NUP35: variants seen among roughly 807,000 people sequenced by gnomAD.
NUP35 encodes nucleoporin NUP35.
In NUP35, 25 loss-of-function variants were observed where a neutral mutation model predicts 41.5. That is an observed-to-expected ratio of 0.60 (90% CI 0.44 to 0.84). NUP35 has a LOEUF of 0.84. Among genes scored for constraint, NUP35 ranks in the 40% least tolerant of loss-of-function variants. The pLI is 0.00. For missense variants in NUP35, 396 were observed against 396.6 expected, an observed-to-expected ratio of 1.00 and a Z score of 0.01; for synonymous variants, 149 against 130.7, an observed-to-expected ratio of 1.14 and a Z score of -0.96.
chr2:183,130,903 G>T (rs878891384), intron 3 of NUP35: 3 of 1,004,586 alleles, frequency 3.0e-6, no homozygotes, highest in South Asian at 2.7e-5. Flanking sequence ...TTATGTGAAA[G>T]AACAAATGAA....
intron 4 of NUP35, among the ~76,000 whole-genome samples, chr2:183,138,245 C>CTATATATATATATATATATATA (rs1208421272): frequency 2.7e-5 from 3 of 112,680 alleles, no homozygotes; most frequent in African/African-American, 1.1e-4. Context: ...TCATTTAGAG[C>CTATATATATATATATATATATA]TATATATATA....
chr2:183,151,452 T>G, intron 4 of NUP35, 56 bp from the exon 5 acceptor site: 1 of 1,528,692 alleles, frequency 6.5e-7, no homozygotes, highest in South Asian at 1.2e-5. Context: ...ATTTTTGATT[T>G]AGAATCAATC....
At chr2:183,123,622 G>T (rs555527216), upstream of NUP35, among the ~76,000 whole-genome samples, 16 of 152,310 alleles carry the variant, frequency 1.1e-4, 1 homozygote, top group South Asian at 3.1e-3. Flanking sequence ...AACGTCCCCA[G>T]TTATACATAT....
chr2:183,135,833 A>G (rs1684856001), intron 4 of NUP35, among the ~76,000 whole-genome samples: 2 of 152,124 alleles, frequency 1.3e-5, no homozygotes, highest in Non-Finnish European at 2.9e-5. Context: ...ACTGCACTCC[A>G]GCTTGGGTGA....
chr2:183,153,497 A>G (rs1685539803), intron 5 of NUP35, among the ~76,000 whole-genome samples: 1 of 152,166 alleles, frequency 6.6e-6, no homozygotes, highest in Non-Finnish European at 1.5e-5. Context: ...ATTGGCCAAA[A>G]CAGAGGGGTT....
At chr2:183,138,208 G>A (rs1684949579) in intron 4 of NUP35, among the ~76,000 whole-genome samples, 1 of 143,486 alleles carries the variant, frequency 7.0e-6, no homozygotes, top group South Asian at 2.2e-4. Context: ...GAATTGACAG[G>A]AAAATTGAGG....
At position 183,149,468 on chromosome 2, in the gene NUP35, A is replaced by G. The variant is rs575294511; in HGVS notation, c.398-2040A>G. 9.2e-5 allele frequency among the ~76,000 whole-genome samples: 14 copies of G among 152,356 alleles called. No individual in the cohort carries two copies. In the South Asian group the frequency reaches 1.7e-3, roughly 18 times the overall value. ...AAATCTTTTTAGTGTCTGGCTTAAT[A>G]AAATACCTGTGAATTCTCATGAATC... is the stretch of plus-strand genomic sequence containing the variant. On this transcript the variant is annotated intron_variant, in intron 4 of 8. Transcript: ENST00000295119.
intron 2 of NUP35, among the ~76,000 whole-genome samples, chr2:183,129,804 T>G (rs1193964731): frequency 6.6e-6 from 1 of 152,220 alleles, no homozygotes; most frequent in African/African-American, 2.4e-5. Flanking sequence ...GCTCAGACAT[T>G]AGTCTTACCG....
At position 183,153,852 on chromosome 2, in the gene NUP35, C is replaced by A. The variant is rs72894581; in HGVS notation, c.539+2203C>A. Among the ~76,000 whole-genome samples the A allele has an allele frequency of 3.1e-3, 475 of 152,324 alleles. 1 individual carries two copies. The highest frequency in any genetic ancestry group is 6.0e-3 in the Non-Finnish European group (410 of 68,024). On this transcript the variant is annotated intron_variant, in intron 5 of 8. Transcript: ENST00000295119. Reference sequence around the variant, plus strand: ...GAGCTTTGACCCCACAGTTCCCTTCCGCACTGCCCTAGCGGAGGTTCTCCA... The same window carrying A: ...GAGCTTTGACCCCACAGTTCCCTTCAGCACTGCCCTAGCGGAGGTTCTCCA...
At chr2:183,159,407 T>C in intron 7 of NUP35, 81 bp from the exon 8 acceptor site, 1 of 1,062,220 alleles carries the variant, frequency 9.4e-7, no homozygotes, top group South Asian at 2.0e-5. Flanking sequence ...TATCTTTTAA[T>C]TAAATTTTCT....
rs142773063 is a variant in NUP35, at chr2:183,131,819, G to A, written c.339+1274G>A. Among the ~76,000 whole-genome samples, 4 of 152,204 alleles carry A rather than the reference G, an allele frequency of 2.6e-5. No homozygotes were observed. In the East Asian group the frequency reaches 7.7e-4, roughly 29 times the overall value. ...TCACCTGTTTGTACTTTTAAAATGT[G>A]CCTACTAGAAATGGTAAAATTACAC... is the stretch of plus-strand genomic sequence containing the variant. On this transcript the variant is annotated intron_variant, in intron 3 of 8. Transcript: ENST00000295119.
At chr2:183,122,100 CAG>C (rs1408406260), upstream of NUP35, among the ~76,000 whole-genome samples, 35 of 147,500 alleles carry the variant, frequency 2.4e-4, 1 homozygote, top group African/African-American at 8.2e-4. Flanking sequence ...TTTTTGGACA[CAG>C]AGTCTCGCTC....
chr2:183,150,960 T>A (rs1478590704), intron 4 of NUP35, among the ~76,000 whole-genome samples: 1 of 152,236 alleles, frequency 6.6e-6, no homozygotes, highest in East Asian at 1.9e-4. Context: ...TTGGTGGCTG[T>A]TACTGAAGAA....
At chr2:183,140,906 G>A (rs139970611) in intron 4 of NUP35, among the ~76,000 whole-genome samples, 1 of 151,326 alleles carries the variant, frequency 6.6e-6, no homozygotes, top group African/African-American at 2.4e-5. Context: ...GAACTAGCCA[G>A]TCCAGATCTT....
At chr2:183,119,581 T>C (rs893903404), upstream of NUP35, among the ~76,000 whole-genome samples, 2 of 152,002 alleles carry the variant, frequency 1.3e-5, no homozygotes, top group Non-Finnish European at 2.9e-5. Context: ...AGAAATACAA[T>C]GTGAAGAGCT....
rs567973364 is a variant in NUP35 at position 183,155,451 on chromosome 2, C to T, written c.540-1993C>T. Among the ~76,000 whole-genome samples the T allele has an allele frequency of 5.3e-5, 8 of 152,172 alleles. No individual in the cohort carries two copies. The South Asian group carries it at 1.0e-3, about 20-fold the overall frequency. ...TATTGATTTCTATTTGGGTAAAAAG[C>T]GGGTCATTGCATTCCGTTGTTCTCT... On this transcript the variant is annotated intron_variant, in intron 5 of 8. Coordinates refer to ENST00000295119, the MANE Select transcript of NUP35 (RefSeq NM_138285.5).
rs536617472 is a variant in NUP35 at position 183,125,596 on chromosome 2, C to T, written c.40+1099C>T. 2.0e-5 allele frequency among the ~76,000 whole-genome samples: 3 copies of T among 152,282 alleles called. No homozygotes were observed. The East Asian group carries it at 5.8e-4, about 29-fold the overall frequency. ...TGCATTAAAATTTATATATAGATGT[C>T]GTCTTGGTATTTATTTTTAATGTAT... On this transcript the variant is annotated intron_variant, in intron 1 of 8. Transcript: ENST00000295119.
intron 3 of NUP35, among the ~76,000 whole-genome samples, chr2:183,132,570 TA>T (rs1684736413): frequency 6.6e-6 from 1 of 151,974 alleles, no homozygotes; most frequent in South Asian, 2.1e-4. Flanking sequence ...AATAAAATAA[TA>T]AAAACTAAAA....
At position 183,130,503 on chromosome 2, in the gene NUP35, T is replaced by C. The variant is rs1366215197; in HGVS notation, c.297T>C (p.Ser99=). 6.2e-7 allele frequency: 1 copy of C among 1,613,174 alleles called. No individual in the cohort carries two copies. Among genetic ancestry groups the C allele is most frequent in the African/African-American group, 1.3e-5 (1 of 74,668 alleles). Residue 99 remains serine, a synonymous_variant, in exon 3 of 9, where the codon TCT becomes TCC. Coordinates refer to ENST00000295119, the MANE Select transcript of NUP35 (RefSeq NM_138285.5). ...PPVRSIYDDI[S]SPGLGSTPLT... ...TTAGAAGTATATATGATGACATTTC[T>C]AGCCCAGGACTTGGATCAACACCTT...
Sources: allele counts gnomAD v4.1 joint callset (sites outside exome capture counted in the v4.1 genomes callset), GRCh38; gene constraint gnomAD v4.1.1; transcripts MANE v1.5; gene names NCBI Gene and HGNC (gene_info 2026-07-23, HGNC 2026-07-21).